The following CNTNAP4 variants were observed in gnomAD, a reference collection of about 807,000 sequenced individuals.
CNTNAP4 encodes the protein contactin-associated protein-like 4.
Under a neutral mutation model 148.4 loss-of-function variants are expected in CNTNAP4, and 98 were observed. The observed-to-expected ratio is 0.66, with a 90% CI of 0.56 to 0.78. The LOEUF is 0.78. Ranked by LOEUF, CNTNAP4 falls within the 30% of genes least tolerant of loss-of-function variation. The pLI is 0.00. For missense variants in CNTNAP4, 1,935 were observed against 1,565.6 expected, an observed-to-expected ratio of 1.24 and a Z score of -3.98; for synonymous variants, 730 against 565.1, an observed-to-expected ratio of 1.29 and a Z score of -4.14.
intron 3 of CNTNAP4, among the ~76,000 whole-genome samples, chr16:76,373,020 A>C (rs1015829736): frequency 6.6e-6 from 1 of 152,202 alleles, no homozygotes; most frequent in Admixed American, 6.5e-5. Flanking sequence ...AAATACAATA[A>C]TCTGATGTGT....
Position 76,534,709 on chromosome 16 carries a change from A to C in CNTNAP4, c.2756-836A>C, listed in dbSNP as rs565701457. Among the ~76,000 whole-genome samples the C allele has an allele frequency of 5.9e-5, 9 of 152,294 alleles. 1 individual carries two copies. The highest frequency in any genetic ancestry group is 5.9e-4 in the Admixed American group (9 of 15,284). On this transcript the variant is annotated intron_variant, in intron 17 of 23. Coordinates refer to ENST00000611870, the MANE Select transcript of CNTNAP4 (RefSeq NM_033401.5). The stretch of plus-strand genomic sequence containing the variant: ...AACCCTATTTTTGGACCACAGAACC[A>C]GTATTTCTTGGAGCAAGCTACCGAG...
chr16:76,382,258 A>G lies in CNTNAP4; in HGVS notation c.390+26747A>G, dbSNP rs558261989. 1.1e-4 allele frequency among the ~76,000 whole-genome samples: 16 copies of G among 152,216 alleles called. No individual in the cohort carries two copies. The South Asian group carries it at 1.2e-3, about 12-fold the overall frequency. On this transcript the variant is annotated intron_variant, in intron 3 of 23. Transcript: ENST00000611870. Reference sequence around the variant, plus strand: ...GCCATTTCTAAAAAGCAAAAGTAAAATGGAACAAATAAACTATTTGTTGTT... The same window carrying G: ...GCCATTTCTAAAAAGCAAAAGTAAAGTGGAACAAATAAACTATTTGTTGTT...
At chr16:76,470,014 G>A (rs1248180438) in intron 10 of CNTNAP4, among the ~76,000 whole-genome samples, 1 of 152,070 alleles carries the variant, frequency 6.6e-6, no homozygotes, top group Non-Finnish European at 1.5e-5. Flanking sequence ...AAAAATCTGT[G>A]TACCAGGCCT....
chr16:76,277,877 TA>T, intron 1 of CNTNAP4, 130 bp downstream of exon 1: 2 of 669,914 alleles, frequency 3.0e-6, no homozygotes, highest in Non-Finnish European at 5.3e-6. Context: ...AAGCATCACT[TA>T]AAAATCTTGC....
chr16:76,534,861 G>T (rs2084148402), intron 17 of CNTNAP4, among the ~76,000 whole-genome samples: 1 of 152,182 alleles, frequency 6.6e-6, no homozygotes, highest in Non-Finnish European at 1.5e-5. Flanking sequence ...AGGATGACTT[G>T]ATAGGTACAT....
At chr16:76,398,081 C>T (rs1407212253) in intron 3 of CNTNAP4, among the ~76,000 whole-genome samples, 1 of 145,342 alleles carries the variant, frequency 6.9e-6, no homozygotes, top group African/African-American at 2.5e-5. Flanking sequence ...CAGCCCGAGT[C>T]CCAAAGCTGA....
chr16:76,555,352 CAAAA>C (rs2085150447), intron 23 of CNTNAP4, among the ~76,000 whole-genome samples: 1 of 151,880 alleles, frequency 6.6e-6, no homozygotes, highest in African/African-American at 2.4e-5. Context: ...ACATGCAAAA[CAAAA>C]AACCCAAAAC....
At chr16:76,359,136 AAACTT>A (rs1232639324) in intron 3 of CNTNAP4, among the ~76,000 whole-genome samples, 1 of 152,234 alleles carries the variant, frequency 6.6e-6, no homozygotes, top group Non-Finnish European at 1.5e-5. Flanking sequence ...CATCATAAAA[AAACTT>A]AACCCTTTGT....
At chr16:76,303,792 A>G (rs1179351517) in intron 1 of CNTNAP4, among the ~76,000 whole-genome samples, 1 of 152,188 alleles carries the variant, frequency 6.6e-6, no homozygotes, top group Non-Finnish European at 1.5e-5. Flanking sequence ...ATCAAAAATT[A>G]TTTCATAATG....
At chr16:76,439,555 G>A (rs956126054) in intron 4 of CNTNAP4, among the ~76,000 whole-genome samples, 1 of 152,148 alleles carries the variant, frequency 6.6e-6, no homozygotes, top group African/African-American at 2.4e-5. Flanking sequence ...CTCCGGTGAT[G>A]CATTCAAGTG....
chr16:76,320,529 A>G (rs1962296898), intron 2 of CNTNAP4, among the ~76,000 whole-genome samples: 1 of 152,216 alleles, frequency 6.6e-6, no homozygotes, highest in Non-Finnish European at 1.5e-5. Flanking sequence ...AATCCAATCA[A>G]CCATCCAACA....
At chr16:76,535,813 G>A in intron 18 of CNTNAP4, 29 bp downstream of exon 18, 1 of 1,589,474 alleles carries the variant, frequency 6.3e-7, no homozygotes, top group Non-Finnish European at 8.6e-7. Context: ...ACTGTAAGAG[G>A]AAAATTTATT....
At chr16:76,281,442 C>T (rs1353998874) in intron 1 of CNTNAP4, among the ~76,000 whole-genome samples, 1 of 152,038 alleles carries the variant, frequency 6.6e-6, no homozygotes, top group Non-Finnish European at 1.5e-5. Flanking sequence ...TCAATAATCT[C>T]TGATAAAGGC....
intron 8 of CNTNAP4, among the ~76,000 whole-genome samples, chr16:76,454,290 T>A (rs2080637894): frequency 6.6e-6 from 1 of 152,066 alleles, no homozygotes; most frequent in African/African-American, 2.4e-5. Flanking sequence ...AATTTGGTAT[T>A]TTTTAGTTGA....
intron 12 of CNTNAP4, among the ~76,000 whole-genome samples, chr16:76,488,050 A>G (rs1157356743): frequency 1.3e-5 from 2 of 152,180 alleles, no homozygotes; most frequent in African/African-American, 2.4e-5. Context: ...TTTTTGAACA[A>G]AAGAAACAGA....
At chr16:76,399,296 A>G (rs8062632) in intron 3 of CNTNAP4, among the ~76,000 whole-genome samples, 52,243 of 152,082 alleles carry the variant, frequency 0.34, 10,889 homozygotes, top group Non-Finnish European at 0.44. Flanking sequence ...AGTAAAATGA[A>G]GAAAAATTAA....
chr16:76,427,626 G>C (rs1243859714), intron 4 of CNTNAP4, 27 bp downstream of exon 4: 1 of 1,567,830 alleles, frequency 6.4e-7, no homozygotes, highest in Middle Eastern at 1.7e-4. Flanking sequence ...CCAATACACT[G>C]ACATAGATAT....
intron 17 of CNTNAP4, among the ~76,000 whole-genome samples, chr16:76,523,363 C>A (rs1002453827): frequency 6.6e-6 from 1 of 151,672 alleles, no homozygotes; most frequent in Non-Finnish European, 1.5e-5. Flanking sequence ...CTGCTATTTT[C>A]CCTCATTTTG....
intron 17 of CNTNAP4, among the ~76,000 whole-genome samples, chr16:76,529,879 G>A (rs2083898467): frequency 1.4e-5 from 2 of 138,300 alleles, no homozygotes; most frequent in Non-Finnish European, 3.2e-5. Context: ...GTGTAAACAT[G>A]TGTGTATTTC....
Sources: gnomAD v4.1 joint callset for allele counts (sites outside exome capture counted in the v4.1 genomes callset) on GRCh38, gnomAD v4.1.1 for gene constraint, MANE v1.5 for transcripts, NCBI Gene and HGNC (gene_info 2026-07-23, HGNC 2026-07-21) for gene names.